Variants in SEPTIN12 observed in about 807,000 individuals in gnomAD.
The protein encoded by SEPTIN12 is septin-12.
Under a neutral mutation model 37.7 loss-of-function variants are expected in SEPTIN12, and 42 were observed. The ratio of observed to expected loss-of-function variants is 1.11; its 90% CI spans 0.87 to 1.44. The LOEUF (loss-of-function observed/expected upper bound fraction) is 1.44, where lower values mean the gene tolerates loss of function less well. Ranked by LOEUF, SEPTIN12 falls within the 40% of genes most tolerant of loss-of-function variation. The probability of loss-of-function intolerance (pLI) is 0.00; values close to 1 mark genes in which losing one functional copy is unlikely to be tolerated. For synonymous variants in SEPTIN12, 254 were observed against 196.7 expected (o/e 1.29, Z -2.44); for missense variants, 613 against 479.2 (o/e 1.28, Z -2.61).
At chr16:4,778,539 G>A (rs1231626997) in intron 8 of SEPTIN12, among the ~76,000 whole-genome samples, 1 of 152,118 alleles carries the variant, frequency 6.6e-6, no homozygotes, top group Non-Finnish European at 1.5e-5. Flanking sequence ...GGTGGCTCAC[G>A]CCTATAATCC....
chr16:4,783,732 GC>G lies in SEPTIN12; in HGVS notation c.546del (p.Leu183CysfsTer5). ...GGCACCACATTCACAGTCCGGCACA[GC>G]CGCTGCAGGAACTCAATGTCCAGGG... ...LRPLDIEFLQRLCRTVNVVPV... is the reference protein window; with the variant it reads ...LRPLDIEFLQXLCRTVNVVPV... On this transcript the variant is annotated frameshift_variant, in exon 6 of 10. Coordinates refer to ENST00000268231, the MANE Select transcript of SEPTIN12 (RefSeq NM_144605.5). LOFTEE classifies it high-confidence loss of function. The G allele has an allele frequency of 6.2e-7, 1 of 1,614,004 alleles. No homozygotes were observed. The highest frequency in any genetic ancestry group is 2.2e-5 in the East Asian group (1 of 44,878).
At position 4,787,401 on chromosome 16, in the gene SEPTIN12, C is replaced by G. The variant is rs1381289295; in HGVS notation, c.166+79G>C. 3 of 1,321,644 alleles carry G rather than the reference C, an allele frequency of 2.3e-6. No individual in the cohort carries two copies. The African/African-American group carries it at 4.3e-5, about 19-fold the overall frequency. 81.9% of individuals were successfully genotyped at this position (1,321,644 alleles called of 1,614,324 possible). A position where few individuals can be genotyped will look rare whatever the true frequency, so the allele number is the denominator to read the frequency against. ...CTAAGAGATGGGGAGGGGCGACAGG[C>G]TGCCAAAGGTGAGGCCACACGCCCA... On this transcript the variant is annotated intron_variant, in intron 2 of 9. Transcript: ENST00000268231.
Position 4,783,660 on chromosome 16 carries a change from A to G in SEPTIN12, c.619T>C (p.Phe207Leu), listed in dbSNP as rs767859209. ...GGCATCCAGATCACCCTGCGCCTGA[A>G]GGCCTCTCGCTCCTCCATGGTCAGG... is the stretch of plus-strand genomic sequence containing the variant. ...DSLTMEEREA[F>L]RRRIQQNLRT... The change falls in exon 6 of 10, where the codon TTC (phenylalanine) becomes CTC (leucine). Residue 207 changes from phenylalanine to leucine, a missense_variant. Phe to Leu is a conservative substitution (Grantham distance 22). Transcript: ENST00000268231. 11 of 1,613,830 alleles carry G rather than the reference A, an allele frequency of 6.8e-6. No individual in the cohort carries two copies.
At chr16:4,782,817 C>T (rs1470883089) in intron 7 of SEPTIN12, among the ~76,000 whole-genome samples, 1 of 152,006 alleles carries the variant, frequency 6.6e-6, no homozygotes, top group Non-Finnish European at 1.5e-5. Flanking sequence ...GTTGGCCAGG[C>T]TGGTCTCGAA....
At position 4,783,597 on chromosome 16, in the gene SEPTIN12, A is replaced by G. The variant is rs113729265; in HGVS notation, c.631-40T>C. ...CAGGTGACCTCAGCCCACCCTGCCC[A>G]CTCTGCCCTCTGCCCCCGCTGACCC... On this transcript the variant is annotated intron_variant, in intron 6 of 9. Coordinates refer to ENST00000268231, the MANE Select transcript of SEPTIN12 (RefSeq NM_144605.5). 59 of 1,611,356 alleles carry G rather than the reference A, an allele frequency of 3.7e-5. 1 individual carries two copies. Among genetic ancestry groups the G allele is most frequent in the African/African-American group, 4.0e-5 (3 of 74,866 alleles).
chr16:4,778,007 C>A lies in SEPTIN12; in HGVS notation c.876-9G>T, dbSNP rs753017136. ...GGTCTTGGAGGTGGGAGCTGGGGGA[C>A]CGGAGACGGTCAGCCCCGATGGTGG... is the stretch of plus-strand genomic sequence containing the variant. On this transcript the variant is annotated splice_polypyrimidine_tract_variant and intron_variant, in intron 9 of 9. Coordinates refer to ENST00000268231, the MANE Select transcript of SEPTIN12 (RefSeq NM_144605.5). The A allele has an allele frequency of 1.1e-5, 17 of 1,612,142 alleles. No homozygotes were observed. The highest frequency in any genetic ancestry group is 3.3e-4 in the Middle Eastern group (2 of 6,060).
At chr16:4,781,434 A>G (rs1022447244) in intron 7 of SEPTIN12, among the ~76,000 whole-genome samples, 1 of 151,776 alleles carries the variant, frequency 6.6e-6, no homozygotes, top group Non-Finnish European at 1.5e-5. Context: ...CCTTTTAGCA[A>G]TCACTCCCCA....
rs1339347303 is a variant in SEPTIN12, at chr16:4,783,990, G to A, written c.453C>T (p.Arg151=). 1.9e-6 allele frequency: 3 copies of A among 1,614,166 alleles called. No individual in the cohort carries two copies. Among genetic ancestry groups the A allele is most frequent in the South Asian group, 2.2e-5 (2 of 91,080 alleles). ...LQEEILITRQ[R]HIPDTRVHCC... is the part of the protein sequence containing the mutation. ...AGTGCACCCGGGTGTCTGGGATGTG[G>A]CGCTGGCGGGTGATGAGGATCTCCT... Residue 151 remains arginine (R), a synonymous_variant, in exon 5 of 10, where the codon CGC becomes CGT. Transcript: ENST00000268231.
At chr16:4,780,644 G>A (rs1239338616) in intron 7 of SEPTIN12, among the ~76,000 whole-genome samples, 3 of 152,256 alleles carry the variant, frequency 2.0e-5, no homozygotes, top group South Asian at 2.1e-4. Flanking sequence ...TGACATATAT[G>A]GGTTTTTACT....
chr16:4,783,593 G>T, intron 6 of SEPTIN12, 36 bp from the exon 7 acceptor site: 1 of 1,610,374 alleles, frequency 6.2e-7, no homozygotes, highest in Non-Finnish European at 8.5e-7. Flanking sequence ...AGCCCACCCT[G>T]CCCACTCTGC....
chr16:4,787,884 G>C, intron 1 of SEPTIN12: 1 of 514,980 alleles, frequency 1.9e-6, no homozygotes, highest in Admixed American at 3.4e-5. Flanking sequence ...ATCCAGAGAG[G>C]CTCCGCTGCC....
In SEPTIN12 at chr16:4,777,802, A is replaced by G; in HGVS notation, c.1072T>C (p.Phe358Leu). The G allele has an allele frequency of 6.4e-7, 1 of 1,553,558 alleles. No homozygotes were observed. Among genetic ancestry groups the G allele is most frequent in the Non-Finnish European group, 8.7e-7 (1 of 1,149,930 alleles). Residue 358 changes from phenylalanine to leucine, a missense_variant, in exon 10 of 10, where the codon TTC becomes CTC. Coordinates refer to ENST00000268231, the MANE Select transcript of SEPTIN12 (RefSeq NM_144605.5). ...RGAHDDSDDE[F>L] Reference sequence around the variant, plus strand: ...GCCCCGGGATCCGCCGGTGGTCAGAACTCATCATCAGAATCGTCATGGGCC... The same window carrying G: ...GCCCCGGGATCCGCCGGTGGTCAGAGCTCATCATCAGAATCGTCATGGGCC...
intron 8 of SEPTIN12, among the ~76,000 whole-genome samples, chr16:4,779,087 G>A (rs887169309): frequency 4.6e-5 from 7 of 150,990 alleles, no homozygotes; most frequent in Admixed American, 6.6e-5. Flanking sequence ...GCAGTGAGCC[G>A]AGATCACGCC....
intron 2 of SEPTIN12, 54 bp from the exon 3 acceptor site, chr16:4,786,159 TC>T: frequency 6.5e-7 from 1 of 1,531,342 alleles, no homozygotes; most frequent in Admixed American, 2.1e-5. Flanking sequence ...AGGCAGTTTT[TC>T]TCTAACTCTT....
chr16:4,790,814 G>A (rs112489771), upstream of SEPTIN12, among the ~76,000 whole-genome samples: 484 of 148,410 alleles, frequency 3.3e-3, no homozygotes, highest in Middle Eastern at 0.011. Context: ...AAATAAATAA[G>A]TAAGTAAATA....
Position 4,783,682 on chromosome 16 carries a change from C to T in SEPTIN12, c.597G>A (p.Leu199=). Residue 199 remains leucine (L), a synonymous_variant, in exon 6 of 10, where the codon CTG becomes CTA. Transcript: ENST00000268231. ...VVPVIARADS[L]TMEEREAFRR... ...TGAAGGCCTCTCGCTCCTCCATGGTCAGGCTGTCGGCCCTGGCAATCACGG... is the reference window on the plus strand; with the variant it reads ...TGAAGGCCTCTCGCTCCTCCATGGTTAGGCTGTCGGCCCTGGCAATCACGG... 1 of 1,614,158 alleles carries T rather than the reference C, an allele frequency of 6.2e-7. No homozygotes were observed. The highest frequency in any genetic ancestry group is 8.5e-7 in the Non-Finnish European group (1 of 1,180,032).
rs144370956 is a variant in SEPTIN12 at position 4,787,660 on chromosome 16, C to T, written c.-15G>A. 32 of 1,503,302 alleles carry T rather than the reference C, an allele frequency of 2.1e-5. No individual in the cohort carries two copies. Among genetic ancestry groups the T allele is most frequent in the African/African-American group, 6.8e-5 (5 of 73,608 alleles). 93.1% of individuals were successfully genotyped at this position (1,503,302 alleles called of 1,614,324 possible). ...AGGGGGTCCATGGGGGCCAAGGGTT[C>T]GAGATGCCTGTCACCAGGTGGGTGG... On this transcript the variant is annotated 5_prime_UTR_variant, in exon 2 of 10. Coordinates refer to ENST00000268231, the MANE Select transcript of SEPTIN12 (RefSeq NM_144605.5).
At chr16:4,779,822 A>T (rs2082353907) in intron 7 of SEPTIN12, 36 bp from the exon 8 acceptor site, 4 of 1,423,494 alleles carry the variant, frequency 2.8e-6, no homozygotes, top group Non-Finnish European at 4.0e-6. Flanking sequence ...GGGAGGATTG[A>T]CTTCGCTGGG....
At chr16:4,783,820 A>G in intron 5 of SEPTIN12, 54 bp from the exon 6 acceptor site, 1 of 1,593,118 alleles carries the variant, frequency 6.3e-7, no homozygotes, top group Non-Finnish European at 8.6e-7. Flanking sequence ...TGTATAAACG[A>G]CAGCAGCAGG....
Sources: allele counts gnomAD v4.1 joint callset (sites outside exome capture counted in the v4.1 genomes callset), GRCh38; gene constraint gnomAD v4.1.1; transcripts MANE v1.5; gene names NCBI Gene and HGNC (gene_info 2026-07-23, HGNC 2026-07-21).